Variants in LDLRAD3 observed in about 807,000 individuals in gnomAD.
LDLRAD3 encodes the protein low-density lipoprotein receptor class A domain-containing protein 3.
Under a neutral mutation model 29.4 loss-of-function variants are expected in LDLRAD3, and 20 were observed. The ratio of observed to expected loss-of-function variants is 0.68; its 90% CI spans 0.48 to 0.99. The LOEUF (loss-of-function observed/expected upper bound fraction) is 0.99. Among genes scored for constraint, LDLRAD3 ranks in the 50% least tolerant of loss-of-function variants. The pLI is 0.00. For missense variants in LDLRAD3, 420 were observed against 454.3 expected (o/e 0.92, Z 0.69); for synonymous variants, 157 against 192.7 (o/e 0.81, Z 1.53).
chr11:35,949,461 G>C (rs1851103294), intron 1 of LDLRAD3, among the ~76,000 whole-genome samples: 1 of 152,068 alleles, frequency 6.6e-6, no homozygotes, highest in Non-Finnish European at 1.5e-5. Context: ...CACAGAGTAG[G>C]TATTGTTCTT....
intron 1 of LDLRAD3, among the ~76,000 whole-genome samples, chr11:36,030,290 A>G (rs1852219724): frequency 6.6e-6 from 1 of 152,224 alleles, no homozygotes; most frequent in Admixed American, 6.5e-5. Context: ...GGAAGTGCAC[A>G]GGACAGATGT....
chr11:36,227,380 G>A lies in LDLRAD3; in HGVS notation c.750G>A (p.Ala250=), dbSNP rs140347483. 13 of 1,610,718 alleles carry A rather than the reference G, an allele frequency of 8.1e-6. No homozygotes were observed. Among genetic ancestry groups the A allele is most frequent in the Middle Eastern group, 1.6e-4 (1 of 6,074 alleles). Reference sequence around the variant, plus strand: ...TGGCCAGCCAGGCGGAGCAGAATGCGTCGGAAGTAGGCTCCCCACCCTCCT... The same window carrying A: ...TGGCCAGCCAGGCGGAGCAGAATGCATCGGAAGTAGGCTCCCCACCCTCCT... ...QYVASQAEQN[A]SEVGSPPSYS... is the part of the protein sequence containing the mutation. The change falls in exon 5 of 6, where the codon GCG becomes GCA. Residue 250 remains alanine (A), a synonymous_variant. Transcript: ENST00000315571.
chr11:36,114,221 A>C (rs746099928), intron 4 of LDLRAD3, among the ~76,000 whole-genome samples: 2 of 152,180 alleles, frequency 1.3e-5, no homozygotes, highest in African/African-American at 4.8e-5. Context: ...GAGTGACATC[A>C]GTTCACACAG....
At position 36,175,021 on chromosome 11, in the gene LDLRAD3, TAA is replaced by T. The variant is rs200665913; in HGVS notation, c.455-52060_455-52059del. On this transcript the variant is annotated intron_variant, in intron 4 of 5. Transcript: ENST00000315571. ...AAAAGAAAAAAAGAATGGCGATCAT[TAA>T]AAAGTCAGGAAACAACAGGTGCTGG... 6.2e-3 allele frequency among the ~76,000 whole-genome samples: 936 copies of T among 152,102 alleles called. 12 individuals are homozygous for T. Among genetic ancestry groups the T allele is most frequent in the African/African-American group, 0.021 (887 of 41,534 alleles).
At chr11:36,186,777 T>A (rs1854855433) in intron 4 of LDLRAD3, among the ~76,000 whole-genome samples, 1 of 151,662 alleles carries the variant, frequency 6.6e-6, no homozygotes, top group African/African-American at 2.4e-5. Flanking sequence ...TGCACTTGCA[T>A]ATGGCTATGA....
At chr11:35,949,184 G>A (rs1439917490) in intron 1 of LDLRAD3, among the ~76,000 whole-genome samples, 1 of 152,172 alleles carries the variant, frequency 6.6e-6, no homozygotes, top group East Asian at 1.9e-4. Flanking sequence ...AATGCCGTCA[G>A]CACTGACCCT....
rs1157191644 is a variant in LDLRAD3, at chr11:36,020,676, T to C, written c.47-15427T>C. Reference sequence around the variant, plus strand: ...AAGAGATAGAGGTTTGCATAAGTTATGTTGAGAGGTCTGAGTGGGGGCTTG... The same window carrying C: ...AAGAGATAGAGGTTTGCATAAGTTACGTTGAGAGGTCTGAGTGGGGGCTTG... On this transcript the variant is annotated intron_variant, in intron 1 of 5. Coordinates refer to ENST00000315571, the MANE Select transcript of LDLRAD3 (RefSeq NM_174902.4). Among the ~76,000 whole-genome samples, 4 of 152,236 alleles carry C rather than the reference T, an allele frequency of 2.6e-5. No homozygotes were observed. In the East Asian group the frequency reaches 7.7e-4, roughly 29 times the overall value.
chr11:36,025,611 G>T (rs1051701460), intron 1 of LDLRAD3, among the ~76,000 whole-genome samples: 1 of 151,574 alleles, frequency 6.6e-6, no homozygotes, highest in Admixed American at 6.6e-5. Flanking sequence ...GGATGGGCTT[G>T]ATCTCCTGAC....
chr11:36,130,155 G>C (rs1206250144), intron 4 of LDLRAD3, among the ~76,000 whole-genome samples: 1 of 152,220 alleles, frequency 6.6e-6, no homozygotes, highest in Non-Finnish European at 1.5e-5. Context: ...GCAATTTCAA[G>C]TGTGATGATT....
At chr11:36,146,198 T>TA (rs746013306) in intron 4 of LDLRAD3, among the ~76,000 whole-genome samples, 5 of 152,260 alleles carry the variant, frequency 3.3e-5, no homozygotes, top group South Asian at 2.1e-4. Flanking sequence ...TTGTCACCCA[T>TA]AAAATCAGAA....
intron 2 of LDLRAD3, among the ~76,000 whole-genome samples, chr11:36,043,434 A>G (rs1270670764): frequency 6.6e-6 from 1 of 152,112 alleles, no homozygotes; most frequent in Non-Finnish European, 1.5e-5. Context: ...TAAGAATCTC[A>G]CTGTTATGGG....
chr11:35,996,424 A>T (rs762481850), intron 1 of LDLRAD3, among the ~76,000 whole-genome samples: 1 of 152,190 alleles, frequency 6.6e-6, no homozygotes. Context: ...AACATCAAAG[A>T]TCACTGATCA....
intron 2 of LDLRAD3, among the ~76,000 whole-genome samples, chr11:36,054,475 A>T (rs1441382135): frequency 6.6e-6 from 1 of 152,230 alleles, no homozygotes; most frequent in African/African-American, 2.4e-5. Context: ...CCCTGCATGG[A>T]ACCTAGAGCA....
chr11:36,223,526 C>T (rs974615079), intron 4 of LDLRAD3, among the ~76,000 whole-genome samples: 4 of 152,030 alleles, frequency 2.6e-5, no homozygotes, highest in African/African-American at 9.7e-5. Flanking sequence ...CCCAGGAGTT[C>T]AAGACCAGCC....
chr11:35,967,542 T>G, intron 1 of LDLRAD3: 1 of 373,238 alleles, frequency 2.7e-6, no homozygotes, highest in South Asian at 2.1e-5. Context: ...ACTTTGAGTT[T>G]GCTTATTGAT....
intron 1 of LDLRAD3, among the ~76,000 whole-genome samples, chr11:36,020,196 T>G (rs1852077918): frequency 6.6e-6 from 1 of 152,208 alleles, no homozygotes. Context: ...CAAGCTAATC[T>G]GGAGGTAAAG....
chr11:36,183,961 ATC>A, intron 4 of LDLRAD3: 3 of 276,844 alleles, frequency 1.1e-5, no homozygotes, highest in South Asian at 2.9e-5. Context: ...AATATATTTC[ATC>A]TTTTTTTTTT....
At chr11:35,988,249 G>A (rs1011504695) in intron 1 of LDLRAD3, among the ~76,000 whole-genome samples, 4 of 151,962 alleles carry the variant, frequency 2.6e-5, no homozygotes, top group African/African-American at 9.7e-5. Flanking sequence ...TTGTAGAGAT[G>A]GGGTCTCACT....
At chr11:36,043,593 A>G (rs992404007) in intron 2 of LDLRAD3, among the ~76,000 whole-genome samples, 2 of 152,226 alleles carry the variant, frequency 1.3e-5, no homozygotes, top group Non-Finnish European at 2.9e-5. Flanking sequence ...CCTTAATCCA[A>G]TGTGAATGTT....
Sources: gnomAD v4.1 joint callset for allele counts (sites outside exome capture counted in the v4.1 genomes callset) on GRCh38, gnomAD v4.1.1 for gene constraint, MANE v1.5 for transcripts, NCBI Gene and HGNC (gene_info 2026-07-23, HGNC 2026-07-21) for gene names.